GABRG3: variants seen among roughly 807,000 people sequenced by gnomAD.
The protein encoded by GABRG3 is gamma-aminobutyric acid type A receptor subunit gamma3.
GABRG3 carries 25 observed loss-of-function variants against 48.8 expected under a neutral mutation model. The observed-to-expected ratio is 0.51, with a 90% confidence interval of 0.37 to 0.72. The LOEUF (loss-of-function observed/expected upper bound fraction) is 0.72, where lower values mean the gene tolerates loss of function less well. Ranked by LOEUF, GABRG3 falls within the 30% of genes least tolerant of loss-of-function variation. The probability of loss-of-function intolerance (pLI) is 0.00; values close to 1 mark genes in which losing one functional copy is unlikely to be tolerated. For missense variants in GABRG3, 394 were observed against 577.9 expected (o/e 0.68, Z 3.26); for synonymous variants, 227 against 217.6 (o/e 1.04, Z -0.38).
chr15:27,342,154 G>A (rs147460411), intron 5 of GABRG3, among the ~76,000 whole-genome samples: 4,120 of 152,292 alleles, frequency 0.027, 112 homozygotes, highest in South Asian at 0.071. Flanking sequence ...CAGGCCCAGC[G>A]CCAAGCAGTG....
chr15:27,522,357 T>A (rs1013392216), intron 7 of GABRG3, among the ~76,000 whole-genome samples: 1 of 151,726 alleles, frequency 6.6e-6, no homozygotes, highest in African/African-American at 2.4e-5. Context: ...GCTAATTAGG[T>A]TAATAGAAAT....
intron 5 of GABRG3, among the ~76,000 whole-genome samples, chr15:27,374,444 A>G (rs1472252411): frequency 2.6e-5 from 4 of 152,052 alleles, no homozygotes; most frequent in Non-Finnish European, 5.9e-5. Context: ...TTCTATTGAT[A>G]TATTTCCAAT....
At chr15:27,056,464 C>A (rs1896549738) in intron 3 of GABRG3, among the ~76,000 whole-genome samples, 1 of 151,246 alleles carries the variant, frequency 6.6e-6, no homozygotes, top group African/African-American at 2.4e-5. Flanking sequence ...TGAAAATTAA[C>A]ACCAGACAAC....
intron 2 of GABRG3, among the ~76,000 whole-genome samples, chr15:27,004,147 C>T (rs1444369429): frequency 2.0e-5 from 3 of 151,026 alleles, no homozygotes; most frequent in African/African-American, 7.3e-5. Context: ...ACCTCCCTCC[C>T]GGACGGGGTG....
At chr15:27,378,342 C>CTAGA (rs1452776883) in intron 5 of GABRG3, among the ~76,000 whole-genome samples, 1 of 152,166 alleles carries the variant, frequency 6.6e-6, no homozygotes, top group African/African-American at 2.4e-5. Flanking sequence ...CTCCTGTGGG[C>CTAGA]TAGAGTAGGC....
At chr15:27,359,096 G>A (rs9672351) in intron 5 of GABRG3, among the ~76,000 whole-genome samples, 54,730 of 151,952 alleles carry the variant, frequency 0.36, 12,133 homozygotes, top group African/African-American at 0.62. Flanking sequence ...GTACCCCTAA[G>A]GTGGCCTCTC....
intron 5 of GABRG3, among the ~76,000 whole-genome samples, chr15:27,435,843 T>C (rs912864458): frequency 2.6e-5 from 4 of 152,146 alleles, no homozygotes; most frequent in African/African-American, 9.7e-5. Flanking sequence ...CTGTGACCCC[T>C]CCCCTGTATC....
At chr15:27,164,551 C>A (rs1887312498) in intron 3 of GABRG3, among the ~76,000 whole-genome samples, 1 of 152,040 alleles carries the variant, frequency 6.6e-6, no homozygotes, top group Non-Finnish European at 1.5e-5. Flanking sequence ...TCACCCTTGA[C>A]ATTTTTACTT....
chr15:27,061,609 G>A (rs1309101444), intron 3 of GABRG3, among the ~76,000 whole-genome samples: 1 of 152,034 alleles, frequency 6.6e-6, no homozygotes, highest in Non-Finnish European at 1.5e-5. Context: ...AAGCAGTAGA[G>A]ATTTATGGGC....
At chr15:27,124,983 C>G (rs1306416124) in intron 3 of GABRG3, among the ~76,000 whole-genome samples, 1 of 152,194 alleles carries the variant, frequency 6.6e-6, no homozygotes, top group African/African-American at 2.4e-5. Context: ...ATTCTTCCTG[C>G]TTGCTTACTG....
At chr15:27,169,610 G>A (rs907142850) in intron 3 of GABRG3, among the ~76,000 whole-genome samples, 2 of 152,176 alleles carry the variant, frequency 1.3e-5, no homozygotes, top group African/African-American at 2.4e-5. Flanking sequence ...AGCTGCAGTC[G>A]ATGACCAGCA....
rs192311371 is a variant in GABRG3, at chr15:27,180,904, G to A, written c.271-145905G>A. ...CTAACCAATCTAACACAGGATTATC[G>A]TTCCAGTTTAGTATTTTAGGGTTGA... On this transcript the variant is annotated intron_variant, in intron 3 of 9. Coordinates refer to ENST00000615808, the MANE Select transcript of GABRG3 (RefSeq NM_033223.5). This position sits in a 1 kb window ranked among gnomAD's most constrained non-coding sequence, Gnocchi z 4.2. 6.4e-4 allele frequency among the ~76,000 whole-genome samples: 97 copies of A among 152,162 alleles called. No homozygotes were observed. Among genetic ancestry groups the A allele is most frequent in the Middle Eastern group, 3.4e-3 (1 of 292 alleles).
intron 3 of GABRG3, among the ~76,000 whole-genome samples, chr15:27,258,879 C>A (rs760453916): frequency 2.6e-5 from 4 of 152,112 alleles, no homozygotes; most frequent in Non-Finnish European, 5.9e-5. Flanking sequence ...TATCCAATAG[C>A]CAACCTCTTC....
intron 2 of GABRG3, among the ~76,000 whole-genome samples, chr15:26,991,423 C>T (rs147910508): frequency 3.3e-5 from 5 of 151,910 alleles, no homozygotes; most frequent in East Asian, 1.9e-4. Context: ...ATTCCATATA[C>T]ATTTTAGGAT....
chr15:27,476,950 C>CAA (rs1197806258), intron 5 of GABRG3, among the ~76,000 whole-genome samples: 2 of 152,078 alleles, frequency 1.3e-5, no homozygotes, highest in African/African-American at 4.8e-5. Context: ...AGGTGAGTCA[C>CAA]AATATGATTA....
At chr15:27,249,893 G>A (rs1890399550) in intron 3 of GABRG3, among the ~76,000 whole-genome samples, 1 of 152,170 alleles carries the variant, frequency 6.6e-6, no homozygotes. Context: ...TTATCATAAT[G>A]TGTGGAGGTG....
intron 5 of GABRG3, chr15:27,364,445 G>GT (rs1482409066): frequency 6.6e-6 from 1 of 152,286 alleles, no homozygotes; most frequent in Non-Finnish European, 1.5e-5. Context: ...AGGCAAAAGT[G>GT]TTTCTTCTTT....
intron 3 of GABRG3, among the ~76,000 whole-genome samples, chr15:27,318,617 A>G (rs994987101): frequency 3.9e-5 from 6 of 152,222 alleles, no homozygotes; most frequent in East Asian, 3.8e-4. Context: ...GTTTCGAACC[A>G]GTGCATTTAC....
chr15:27,385,558 C>A (rs1197091324), intron 5 of GABRG3, among the ~76,000 whole-genome samples: 1 of 152,010 alleles, frequency 6.6e-6, no homozygotes, highest in African/African-American at 2.4e-5. Context: ...GTTTATTTTT[C>A]TTCATTCTGT....
Sources: allele counts gnomAD v4.1 joint callset (sites outside exome capture counted in the v4.1 genomes callset), GRCh38; gene constraint gnomAD v4.1.1; non-coding constraint Gnocchi (gnomAD v3.1); transcripts MANE v1.5; gene names NCBI Gene and HGNC (gene_info 2026-07-23, HGNC 2026-07-21).